Variants in NDUFA10 observed in about 807,000 individuals in gnomAD.
The protein encoded by NDUFA10 is NADH:ubiquinone oxidoreductase subunit A10.
NDUFA10 carries 40 observed loss-of-function variants against 47.8 expected under a neutral mutation model. The observed-to-expected ratio is 0.84, with a 90% CI of 0.65 to 1.09. The LOEUF (loss-of-function observed/expected upper bound fraction) is 1.09, where lower values mean the gene tolerates loss of function less well. Among genes scored for constraint, NDUFA10 ranks in the 50% least tolerant of loss-of-function variants. The pLI, the probability that NDUFA10 is intolerant of heterozygous loss-of-function variation, is 0.00. For synonymous variants in NDUFA10, 183 were observed against 172.2 expected, an observed-to-expected ratio of 1.06 and a Z score of -0.49; for missense variants, 413 against 451.1, an observed-to-expected ratio of 0.92 and a Z score of 0.76.
chr2:239,992,383 T>C (rs145447825), intron 8 of NDUFA10, among the ~76,000 whole-genome samples: 3 of 152,350 alleles, frequency 2.0e-5, no homozygotes, highest in African/African-American at 7.2e-5. Flanking sequence ...GTAAATAGTG[T>C]TTTATGACTC....
intron 4 of NDUFA10, among the ~76,000 whole-genome samples, chr2:239,918,800 G>C (rs1246336685): frequency 6.6e-6 from 1 of 152,138 alleles, no homozygotes; most frequent in Non-Finnish European, 1.5e-5. Context: ...CCGTGTCCTC[G>C]CTCTCCACGC....
chr2:240,022,435 A>C, intron 1 of NDUFA10, 95 bp from the exon 2 acceptor site: 1 of 1,562,862 alleles, frequency 6.4e-7, no homozygotes, highest in Non-Finnish European at 8.7e-7. Flanking sequence ...GAAACCTCTT[A>C]GTGATAAAAA....
At chr2:239,970,280 A>G (rs1695256270) in intron 9 of NDUFA10, among the ~76,000 whole-genome samples, 1 of 152,210 alleles carries the variant, frequency 6.6e-6, no homozygotes, top group Non-Finnish European at 1.5e-5. Flanking sequence ...AAAAACTGTC[A>G]ACCTAGAATT....
At chr2:239,999,522 T>TAGCAGC (rs1342419159) in intron 8 of NDUFA10, among the ~76,000 whole-genome samples, 3 of 152,068 alleles carry the variant, frequency 2.0e-5, no homozygotes, top group African/African-American at 4.8e-5. Flanking sequence ...GCCTCTTCCA[T>TAGCAGC]AGCAGCAGCA....
intron 4 of NDUFA10, among the ~76,000 whole-genome samples, chr2:239,898,775 C>G (rs1693449673): frequency 1.3e-5 from 2 of 152,190 alleles, no homozygotes; most frequent in Admixed American, 1.3e-4. Flanking sequence ...ACAACGAAGT[C>G]CTACACAGAT....
intron 8 of NDUFA10, among the ~76,000 whole-genome samples, chr2:239,997,012 T>C (rs1214284456): frequency 6.6e-6 from 1 of 152,102 alleles, no homozygotes; most frequent in Non-Finnish European, 1.5e-5. Context: ...AAATGCTATA[T>C]AAATAGTTGT....
intron 4 of NDUFA10, among the ~76,000 whole-genome samples, chr2:239,929,055 T>A (rs931424360): frequency 6.6e-6 from 1 of 152,060 alleles, no homozygotes; most frequent in Non-Finnish European, 1.5e-5. Context: ...TTGAACCCCC[T>A]CCCGTGCCTT....
At chr2:239,944,705 G>A (rs1327757250) in intron 4 of NDUFA10, among the ~76,000 whole-genome samples, 2 of 152,180 alleles carry the variant, frequency 1.3e-5, no homozygotes, top group Non-Finnish European at 2.9e-5. Context: ...CCTGGAGAGT[G>A]CAGCTCGACA....
intron 9 of NDUFA10, among the ~76,000 whole-genome samples, chr2:239,985,106 T>C (rs1695946225): frequency 6.6e-6 from 1 of 152,012 alleles, no homozygotes; most frequent in African/African-American, 2.4e-5. Context: ...CCACAAAAAA[T>C]GACTGCCATT....
rs892305761 is a variant in NDUFA10, at chr2:239,957,995, A to G, written c.*3123T>C. ...TAGCGGCGTGAGGTGACTACTGACAATCACCTCCTCTGTTTTCTGGCTCAT... is the reference window on the plus strand; with the variant it reads ...TAGCGGCGTGAGGTGACTACTGACAGTCACCTCCTCTGTTTTCTGGCTCAT... On this transcript the variant is annotated 3_prime_UTR_variant, in exon 10 of 10. Transcript: ENST00000252711. The G allele has an allele frequency of 3.3e-5, 5 of 152,166 alleles. No individual in the cohort carries two copies. Among genetic ancestry groups the G allele is most frequent in the Admixed American group, 1.3e-4 (2 of 15,282 alleles). 9.4% of individuals were successfully genotyped at this position (152,166 alleles called of 1,614,324 possible). A position where few individuals can be genotyped will look rare whatever the true frequency, so the allele number is the denominator to read the frequency against.
Position 239,906,415 on chromosome 2 carries a change from A to T in NDUFA10, c.295-11101T>A, listed in dbSNP as rs1456360073. On this transcript the variant is annotated intron_variant, in intron 4 of 5. Transcript: ENST00000419408. The surrounding 1 kb of genome is among the most constrained non-coding windows in gnomAD (Gnocchi z 4.3). ...AGCACCCCAGCTGACCCTTGAAATCAGAGCAACAAGGGCTCCTGAAGCACC... is the reference window on the plus strand; with the variant it reads ...AGCACCCCAGCTGACCCTTGAAATCTGAGCAACAAGGGCTCCTGAAGCACC... Among the ~76,000 whole-genome samples the T allele has an allele frequency of 2.0e-5, 3 of 152,150 alleles. No homozygotes were observed. The highest frequency in any genetic ancestry group is 7.2e-5 in the African/African-American group (3 of 41,432).
chr2:239,990,011 G>T, intron 9 of NDUFA10, 63 bp downstream of exon 9: 2 of 1,182,316 alleles, frequency 1.7e-6, no homozygotes, highest in Non-Finnish European at 2.5e-6. Context: ...AGAAGTGACT[G>T]CATTGTCCCC....
chr2:239,920,503 G>A (rs781118667), intron 4 of NDUFA10, among the ~76,000 whole-genome samples: 5 of 152,212 alleles, frequency 3.3e-5, no homozygotes, highest in Non-Finnish European at 7.3e-5. Flanking sequence ...GTTTGGGGCT[G>A]GAGCCGCAGA....
At chr2:239,895,350 G>A (rs1426245422) in intron 4 of NDUFA10, 1 of 433,446 alleles carries the variant, frequency 2.3e-6, no homozygotes, top group Non-Finnish European at 4.9e-6. Context: ...CAGAGCATAT[G>A]AGTGAGGAGG....
At chr2:239,919,104 G>A (rs999564547) in intron 4 of NDUFA10, among the ~76,000 whole-genome samples, 32 of 152,216 alleles carry the variant, frequency 2.1e-4, no homozygotes, top group African/African-American at 7.0e-4. Context: ...CAGAGGGGCC[G>A]AGGTGGGACA....
intron 7 of NDUFA10, 122 bp from the exon 8 acceptor site, chr2:240,005,417 C>G (rs1015092575): frequency 1.3e-5 from 10 of 750,344 alleles, no homozygotes; most frequent in Non-Finnish European, 2.3e-5. Context: ...GGCACAATCA[C>G]AGCACACTGC....
intron 4 of NDUFA10, 21 bp from the exon 5 acceptor site, chr2:240,014,881 G>A (rs1263453109): frequency 1.5e-5 from 24 of 1,614,066 alleles, no homozygotes; most frequent in Non-Finnish European, 2.0e-5. Flanking sequence ...GGAGAAAGGG[G>A]CGCTGTCACC....
intron 4 of NDUFA10, among the ~76,000 whole-genome samples, chr2:239,920,408 T>C (rs532830885): frequency 3.4e-4 from 52 of 152,314 alleles, no homozygotes; most frequent in Non-Finnish European, 6.8e-4. Context: ...AGCCCCGTCC[T>C]GGGGCAGATC....
At chr2:239,925,293 T>A (rs377498808) in intron 4 of NDUFA10, among the ~76,000 whole-genome samples, 1 of 152,168 alleles carries the variant, frequency 6.6e-6, no homozygotes, top group South Asian at 2.1e-4. Context: ...TAATTTTTAC[T>A]CCATCATTAC....
Sources: allele counts gnomAD v4.1 joint callset (sites outside exome capture counted in the v4.1 genomes callset), GRCh38; gene constraint gnomAD v4.1.1; non-coding constraint Gnocchi (gnomAD v3.1); transcripts MANE v1.5; gene names NCBI Gene and HGNC (gene_info 2026-07-23, HGNC 2026-07-21).